CRPPA: variants seen among roughly 807,000 people sequenced by gnomAD.
The protein encoded by CRPPA is CDP-L-ribitol pyrophosphorylase A.
CRPPA carries 43 observed loss-of-function variants against 52.0 expected under a neutral mutation model. The ratio of observed to expected loss-of-function variants is 0.83; its 90% CI spans 0.65 to 1.07. The LOEUF (loss-of-function observed/expected upper bound fraction) is 1.07, where lower values mean the gene tolerates loss of function less well. CRPPA is among the 50% of genes least tolerant of loss of function. CRPPA has a pLI of 0.00. For missense variants in CRPPA, 629 were observed against 551.7 expected, an observed-to-expected ratio of 1.14 and a Z score of -1.40; for synonymous variants, 250 against 203.5, an observed-to-expected ratio of 1.23 and a Z score of -1.94.
intron 9 of CRPPA, among the ~76,000 whole-genome samples, chr7:16,169,110 G>A (rs191464846): frequency 1.3e-5 from 2 of 152,112 alleles, no homozygotes; most frequent in Non-Finnish European, 2.9e-5. Flanking sequence ...CATCACACCT[G>A]TCTTACATAA....
intron 8 of CRPPA, among the ~76,000 whole-genome samples, chr7:16,254,908 C>G (rs2128411258): frequency 6.6e-6 from 1 of 152,192 alleles, no homozygotes; most frequent in Non-Finnish European, 1.5e-5. Context: ...TCTCACCACT[C>G]CTATTCAACA....
At chr7:16,262,351 C>T (rs1042395069) in intron 6 of CRPPA, among the ~76,000 whole-genome samples, 7 of 152,098 alleles carry the variant, frequency 4.6e-5, no homozygotes, top group African/African-American at 9.7e-5. Flanking sequence ...ATCTGACTTG[C>T]TGTATTGTTT....
intron 8 of CRPPA, chr7:16,247,788 A>C (rs146186346): frequency 6.6e-6 from 1 of 152,282 alleles, no homozygotes; most frequent in East Asian, 1.9e-4. Context: ...TAAAATAAAC[A>C]TTGTACAATA....
chr7:16,365,385 G>C (rs1277172640), intron 3 of CRPPA, among the ~76,000 whole-genome samples: 1 of 152,202 alleles, frequency 6.6e-6, no homozygotes, highest in African/African-American at 2.4e-5. Context: ...GGCCAGATTT[G>C]TAATCATCAT....
chr7:16,184,593 C>T (rs113856873), intron 9 of CRPPA, among the ~76,000 whole-genome samples: 1 of 152,120 alleles, frequency 6.6e-6, no homozygotes, highest in Non-Finnish European at 1.5e-5. Flanking sequence ...TTCTCAATGG[C>T]AGAGACACCC....
intron 5 of CRPPA, among the ~76,000 whole-genome samples, chr7:16,288,446 G>A (rs544660698): frequency 6.6e-6 from 1 of 151,568 alleles, no homozygotes; most frequent in Non-Finnish European, 1.5e-5. Flanking sequence ...AACTTTATTA[G>A]GATGTAACAT....
In CRPPA at chr7:16,360,916, A is replaced by G. The variant is rs147480851; in HGVS notation, c.684+15176T>C. 2.7e-4 allele frequency among the ~76,000 whole-genome samples: 41 copies of G among 152,234 alleles called. No homozygotes were observed. The East Asian group carries it at 6.8e-3, about 25-fold the overall frequency. On this transcript the variant is annotated intron_variant, in intron 3 of 9. Transcript: ENST00000407010. ...AAGAATTCTGTGCATCAGAAGATGT[A>G]TCAATAAAAAAAGCAATCTCTGGAA...
At chr7:16,241,990 G>C (rs1158204591) in intron 8 of CRPPA, among the ~76,000 whole-genome samples, 3 of 117,906 alleles carry the variant, frequency 2.5e-5, no homozygotes, top group Admixed American at 2.2e-4. Context: ...ATAGAGTCTC[G>C]CTCTGTCACC....
chr7:16,208,065 AT>A (rs1359930872), intron 9 of CRPPA, among the ~76,000 whole-genome samples: 3 of 152,156 alleles, frequency 2.0e-5, no homozygotes, highest in Admixed American at 2.0e-4. Flanking sequence ...AACTTTCTCA[AT>A]TGCAACAACA....
At chr7:16,101,105 G>A (rs1782034721) in intron 9 of CRPPA, among the ~76,000 whole-genome samples, 1 of 152,080 alleles carries the variant, frequency 6.6e-6, no homozygotes, top group Non-Finnish European at 1.5e-5. Flanking sequence ...ATATTGGCCT[G>A]AGACACAACT....
intron 9 of CRPPA, among the ~76,000 whole-genome samples, chr7:16,175,111 T>C (rs1781268911): frequency 6.6e-6 from 1 of 152,150 alleles, no homozygotes; most frequent in Admixed American, 6.6e-5. Context: ...AAATGGTTCT[T>C]AGAGGCAAAG....
chr7:16,159,408 T>C (rs1185131495), intron 9 of CRPPA, among the ~76,000 whole-genome samples: 2 of 152,192 alleles, frequency 1.3e-5, no homozygotes, highest in Admixed American at 1.3e-4. Flanking sequence ...CCATATGTTC[T>C]CATTGTTCAA....
intron 8 of CRPPA, among the ~76,000 whole-genome samples, chr7:16,251,125 C>T (rs1412355231): frequency 1.3e-5 from 2 of 151,484 alleles, no homozygotes; most frequent in African/African-American, 2.4e-5. Flanking sequence ...TAAAAAAATA[C>T]AAGGAAGGGC....
chr7:16,107,492 A>G (rs1482676276), intron 9 of CRPPA, among the ~76,000 whole-genome samples: 1 of 152,140 alleles, frequency 6.6e-6, no homozygotes, highest in African/African-American at 2.4e-5. Flanking sequence ...AAAAAAAAAG[A>G]CAAACAACAA....
chr7:16,352,411 C>T (rs2128307976), intron 3 of CRPPA, among the ~76,000 whole-genome samples: 1 of 139,986 alleles, frequency 7.1e-6, no homozygotes, highest in East Asian at 2.0e-4. Flanking sequence ...AAAATAAATA[C>T]AACAAAAAAT....
chr7:16,384,241 A>G (rs1260840544), intron 2 of CRPPA, among the ~76,000 whole-genome samples: 1 of 152,172 alleles, frequency 6.6e-6, no homozygotes, highest in Non-Finnish European at 1.5e-5. Flanking sequence ...GAGAGCTATG[A>G]AGCTCTCCCA....
chr7:16,299,039 C>T (rs1464257222), intron 5 of CRPPA, among the ~76,000 whole-genome samples: 2 of 152,178 alleles, frequency 1.3e-5, no homozygotes, highest in Non-Finnish European at 2.9e-5. Flanking sequence ...GAGCCAATCC[C>T]TCATAATAAA....
intron 9 of CRPPA, 78 bp downstream of exon 9, chr7:16,215,988 C>T (rs1019617289): frequency 7.1e-6 from 8 of 1,123,524 alleles, no homozygotes; most frequent in Non-Finnish European, 1.0e-5. Flanking sequence ...TAATATCCTC[C>T]TGCTTTTAAC....
intron 9 of CRPPA, among the ~76,000 whole-genome samples, chr7:16,202,283 T>C (rs879423331): frequency 2.2e-4 from 34 of 152,184 alleles, no homozygotes; most frequent in Admixed American, 2.2e-3. Flanking sequence ...ACATAAATAA[T>C]TTAACCACTA....
Sources: gnomAD v4.1 joint callset for allele counts (sites outside exome capture counted in the v4.1 genomes callset) on GRCh38, gnomAD v4.1.1 for gene constraint, MANE v1.5 for transcripts, NCBI Gene and HGNC (gene_info 2026-07-23, HGNC 2026-07-21) for gene names.